The following PRICKLE2 variants were observed in gnomAD, a reference collection of about 807,000 sequenced individuals.
PRICKLE2 encodes the protein prickle planar cell polarity protein 2, also known as prickle-like protein 2.
Under a neutral mutation model 81.4 loss-of-function variants are expected in PRICKLE2, and 21 were observed. The observed-to-expected ratio is 0.26, with a 90% CI of 0.18 to 0.37. The LOEUF is 0.37. PRICKLE2 is among the 10% of genes least tolerant of loss of function. The pLI is 1.00. For synonymous variants in PRICKLE2, 456 were observed against 421.5 expected, an observed-to-expected ratio of 1.08 and a Z score of -1.00; for missense variants, 940 against 1,109.0, an observed-to-expected ratio of 0.85 and a Z score of 2.16.
intron 2 of PRICKLE2, among the ~76,000 whole-genome samples, chr3:64,188,102 C>T (rs1040182597): frequency 5.9e-5 from 9 of 152,214 alleles, no homozygotes; most frequent in African/African-American, 1.2e-4. Flanking sequence ...CGTATCTGCA[C>T]GCAAATCTGC....
intron 5 of PRICKLE2, chr3:64,153,662 T>C (rs1434842654): frequency 2.6e-6 from 1 of 387,128 alleles, no homozygotes; most frequent in African/African-American, 2.0e-5. Flanking sequence ...GATCAAAAAC[T>C]GACAGCTCAC....
intron 1 of PRICKLE2, among the ~76,000 whole-genome samples, chr3:64,216,335 T>C (rs532468600): frequency 7.9e-5 from 12 of 152,274 alleles, no homozygotes; most frequent in African/African-American, 2.9e-4. Flanking sequence ...GCATTAAATT[T>C]CAGAAAGTTC....
rs2076564358 is a variant in PRICKLE2 at position 64,095,803 on chromosome 3, G to A, written c.*3248C>T. On this transcript the variant is annotated 3_prime_UTR_variant, in exon 8 of 8. Coordinates refer to ENST00000638394, the MANE Select transcript of PRICKLE2 (RefSeq NM_198859.4). ...AAATAAAAGGTGAAAGTGGAAAGAA[G>A]GTGTCAAACAACCCACACCAGGACT... 1 of 152,102 alleles carries A rather than the reference G, an allele frequency of 6.6e-6. No individual in the cohort carries two copies. Among genetic ancestry groups the A allele is most frequent in the Admixed American group, 6.6e-5 (1 of 15,264 alleles). The allele number at this position is 152,102 out of a possible 1,614,324, so 9.4% of individuals were successfully genotyped here. A position where few individuals can be genotyped will look rare whatever the true frequency, so the allele number is the denominator to read the frequency against.
intron 2 of PRICKLE2, among the ~76,000 whole-genome samples, chr3:64,170,101 T>C (rs971607744): frequency 2.0e-5 from 3 of 152,168 alleles, no homozygotes; most frequent in African/African-American, 4.8e-5. Context: ...AGAGGTGAAA[T>C]TGTACCAAGT....
intron 2 of PRICKLE2, among the ~76,000 whole-genome samples, chr3:64,246,297 T>C (rs922576236): frequency 1.3e-5 from 2 of 152,068 alleles, no homozygotes; most frequent in African/African-American, 4.8e-5. Context: ...GAAAACCTCA[T>C]TGCTATAATT....
At chr3:64,241,716 C>A (rs902832164) in intron 2 of PRICKLE2, among the ~76,000 whole-genome samples, 1 of 152,196 alleles carries the variant, frequency 6.6e-6, no homozygotes, top group Non-Finnish European at 1.5e-5. Context: ...CTGTGTCCTG[C>A]TGCAGAAATC....
intron 2 of PRICKLE2, among the ~76,000 whole-genome samples, chr3:64,252,382 T>G (rs2079460504): frequency 6.6e-6 from 1 of 152,166 alleles, no homozygotes; most frequent in African/African-American, 2.4e-5. Flanking sequence ...GGGGGCCAGC[T>G]GGAAGCACAA....
chr3:64,169,263 A>T (rs1346772329), intron 2 of PRICKLE2, among the ~76,000 whole-genome samples: 1 of 152,174 alleles, frequency 6.6e-6, no homozygotes, highest in Non-Finnish European at 1.5e-5. Context: ...TCATGAAGTA[A>T]CCTTACAAAT....
chr3:64,158,964 A>C (rs1340242468), intron 4 of PRICKLE2, among the ~76,000 whole-genome samples: 1 of 152,110 alleles, frequency 6.6e-6, no homozygotes, highest in Non-Finnish European at 1.5e-5. Flanking sequence ...GAGCTTAAGG[A>C]GTTAGATAGG....
At position 64,261,782 on chromosome 3, in the gene PRICKLE2, G is replaced by A. The variant is rs112274415; in HGVS notation, c.129-62815C>T. ...GAAGATGCCCTTGAGAGGTAGGCAC[G>A]GGCTAGAACTTGTTAAGGTGGGAGA... On this transcript the variant is annotated intron_variant, in intron 2 of 8. Transcript: ENST00000295902. Among the ~76,000 whole-genome samples the A allele has an allele frequency of 5.6e-3, 855 of 152,216 alleles. 8 individuals carry two copies. Among genetic ancestry groups the A allele is most frequent in the African/African-American group, 0.019 (800 of 41,544 alleles).
chr3:64,241,524 G>C (rs2079265149), intron 2 of PRICKLE2, among the ~76,000 whole-genome samples: 1 of 152,166 alleles, frequency 6.6e-6, no homozygotes, highest in African/African-American at 2.4e-5. Context: ...ACACCTACCA[G>C]CTTTTCAGTA....
At chr3:64,215,661 T>C (rs770496592) in intron 1 of PRICKLE2, among the ~76,000 whole-genome samples, 3 of 152,204 alleles carry the variant, frequency 2.0e-5, no homozygotes, top group Non-Finnish European at 4.4e-5. Context: ...AAATGTAGAA[T>C]GTGATTCAAC....
At chr3:64,265,136 C>T (rs1251209311) in intron 2 of PRICKLE2, among the ~76,000 whole-genome samples, 1 of 152,018 alleles carries the variant, frequency 6.6e-6, no homozygotes, top group African/African-American at 2.4e-5. Context: ...AAAAACATCA[C>T]CAACAAAACA....
chr3:64,130,173 T>G (rs2077176211), intron 7 of PRICKLE2, among the ~76,000 whole-genome samples: 1 of 152,242 alleles, frequency 6.6e-6, no homozygotes, highest in African/African-American at 2.4e-5. Context: ...TGTAGTTCAC[T>G]TGACTTTTCC....
At chr3:64,262,067 A>T (rs1351184916) in intron 2 of PRICKLE2, among the ~76,000 whole-genome samples, 1 of 152,160 alleles carries the variant, frequency 6.6e-6, no homozygotes, top group Non-Finnish European at 1.5e-5. Flanking sequence ...CATAGACCTT[A>T]TATGTAGAGT....
At chr3:64,248,028 A>T (rs1249137399) in intron 2 of PRICKLE2, among the ~76,000 whole-genome samples, 1 of 152,236 alleles carries the variant, frequency 6.6e-6, no homozygotes, top group African/African-American at 2.4e-5. Flanking sequence ...AAACCCAACC[A>T]TCCGCTATAA....
chr3:64,244,993 C>T (rs1280872974), intron 2 of PRICKLE2, among the ~76,000 whole-genome samples: 1 of 152,150 alleles, frequency 6.6e-6, no homozygotes, highest in African/African-American at 2.4e-5. Context: ...CCTACCATAA[C>T]ATCGCTACCA....
At chr3:64,265,212 A>T (rs1268281761) in intron 2 of PRICKLE2, among the ~76,000 whole-genome samples, 2 of 152,258 alleles carry the variant, frequency 1.3e-5, no homozygotes, top group East Asian at 3.8e-4. Flanking sequence ...TCAAATGCTA[A>T]GTATCCCAGA....
At chr3:64,113,713 C>A (rs1272533507) in intron 7 of PRICKLE2, among the ~76,000 whole-genome samples, 1 of 152,174 alleles carries the variant, frequency 6.6e-6, no homozygotes, top group Admixed American at 6.5e-5. Context: ...GCAAGCCCTG[C>A]CCCTGCCAGC....
Sources: gnomAD v4.1 joint callset for allele counts (sites outside exome capture counted in the v4.1 genomes callset) on GRCh38, gnomAD v4.1.1 for gene constraint, MANE v1.5 for transcripts, NCBI Gene and HGNC (gene_info 2026-07-23, HGNC 2026-07-21) for gene names.